PTPRD: variants seen among roughly 807,000 people sequenced by gnomAD.
The protein encoded by PTPRD is receptor-type tyrosine-protein phosphatase delta.
Under a neutral mutation model 214.5 loss-of-function variants are expected in PTPRD, and 34 were observed. The observed-to-expected ratio is 0.16, with a 90% CI of 0.12 to 0.21. The LOEUF (loss-of-function observed/expected upper bound fraction) is 0.21, where lower values mean the gene tolerates loss of function less well. PTPRD is among the 10% of genes least tolerant of loss of function. PTPRD has a pLI of 1.00. For missense variants in PTPRD, 2,545 were observed against 2,398.7 expected (o/e 1.06, Z -1.27); for synonymous variants, 1,128 against 845.7 (o/e 1.33, Z -5.79).
At chr9:10,035,169 T>C (rs1026161087) in intron 3 of PTPRD, among the ~76,000 whole-genome samples, 8 of 152,152 alleles carry the variant, frequency 5.3e-5, no homozygotes, top group Non-Finnish European at 1.0e-4. Context: ...TAGTGTCTCA[T>C]TGTGACTTTA....
At chr9:9,104,320 C>CAAACATAT (rs1381641783) in intron 10 of PTPRD, among the ~76,000 whole-genome samples, 2 of 151,878 alleles carry the variant, frequency 1.3e-5, no homozygotes, top group African/African-American at 4.8e-5. Context: ...TTTTTTTCCC[C>CAAACATAT]AAACATATAA....
At chr9:10,589,318 C>T (rs1368105359) in intron 2 of PTPRD, among the ~76,000 whole-genome samples, 2 of 151,982 alleles carry the variant, frequency 1.3e-5, no homozygotes, top group Non-Finnish European at 2.9e-5. Flanking sequence ...ACAAACTGAA[C>T]TTGACCCAAT....
intron 11 of PTPRD, among the ~76,000 whole-genome samples, chr9:8,765,921 C>T (rs1459772649): frequency 6.6e-6 from 1 of 152,026 alleles, no homozygotes; most frequent in Non-Finnish European, 1.5e-5. Flanking sequence ...ATATTTTAAC[C>T]AAAATGATTT....
chr9:10,484,005 G>C (rs1013255469), intron 2 of PTPRD, among the ~76,000 whole-genome samples: 1 of 152,052 alleles, frequency 6.6e-6, no homozygotes, highest in Admixed American at 6.6e-5. Context: ...CAATTGCAAA[G>C]ATATGAAATC....
In PTPRD at chr9:10,549,235, A is replaced by C. The variant is rs564757589; in HGVS notation, c.-600+63163T>G. ...TAACTAATGTAAGTACTGCTTTTAA[A>C]AGTAGTTGAACATAATGCAATGTTG... On this transcript the variant is annotated intron_variant, in intron 2 of 45. Coordinates refer to ENST00000381196, the MANE Select transcript of PTPRD (RefSeq NM_002839.4). Among the ~76,000 whole-genome samples the C allele has an allele frequency of 1.6e-4, 25 of 152,298 alleles. 1 individual carries two copies. The South Asian group carries it at 5.2e-3, about 32-fold the overall frequency.
intron 10 of PTPRD, among the ~76,000 whole-genome samples, chr9:9,121,531 T>A (rs1401979310): frequency 6.6e-6 from 1 of 152,176 alleles, no homozygotes; most frequent in African/African-American, 2.4e-5. Context: ...ATGACCTGGA[T>A]GAGTTTAGAG....
chr9:10,131,143 A>G (rs2098875053), intron 3 of PTPRD, among the ~76,000 whole-genome samples: 2 of 152,246 alleles, frequency 1.3e-5, no homozygotes, highest in East Asian at 1.9e-4. Flanking sequence ...GAATAAAGAG[A>G]GTGAGGATGG....
intron 2 of PTPRD, among the ~76,000 whole-genome samples, chr9:10,454,149 G>C (rs1417618790): frequency 6.6e-6 from 1 of 151,524 alleles, no homozygotes; most frequent in Non-Finnish European, 1.5e-5. Context: ...GTAATCAACA[G>C]ATTATAGTTG....
intron 9 of PTPRD, among the ~76,000 whole-genome samples, chr9:9,283,353 T>C (rs1361767558): frequency 3.3e-5 from 5 of 151,540 alleles, no homozygotes; most frequent in Non-Finnish European, 1.5e-5. Context: ...AGTATATTCA[T>C]TGTATTACTG....
At chr9:10,208,360 A>C (rs1237291734) in intron 3 of PTPRD, among the ~76,000 whole-genome samples, 1 of 152,132 alleles carries the variant, frequency 6.6e-6, no homozygotes, top group Non-Finnish European at 1.5e-5. Flanking sequence ...TAAAAATACA[A>C]AAAATTAGCC....
intron 5 of PTPRD, among the ~76,000 whole-genome samples, chr9:9,832,658 A>G (rs1455177234): frequency 6.6e-6 from 1 of 152,014 alleles, no homozygotes; most frequent in Non-Finnish European, 1.5e-5. Flanking sequence ...CCTGGAAAGG[A>G]AGCTTTTAAA....
At chr9:10,468,349 A>G (rs1371299476) in intron 2 of PTPRD, among the ~76,000 whole-genome samples, 4 of 152,186 alleles carry the variant, frequency 2.6e-5, no homozygotes, top group Non-Finnish European at 5.9e-5. Context: ...TGTCCTTTGC[A>G]GAGACACAGA....
At chr9:10,282,297 G>C (rs1224030758) in intron 3 of PTPRD, among the ~76,000 whole-genome samples, 5 of 152,238 alleles carry the variant, frequency 3.3e-5, no homozygotes, top group African/African-American at 1.2e-4. Context: ...AACGGATATG[G>C]AAATGCTTTT....
intron 3 of PTPRD, among the ~76,000 whole-genome samples, chr9:10,049,862 G>T (rs1589732047): frequency 6.6e-6 from 1 of 152,140 alleles, no homozygotes; most frequent in African/African-American, 2.4e-5. Context: ...CCTGACAAGG[G>T]ACTTTGGTGT....
At chr9:8,767,744 A>G (rs1391326887) in intron 11 of PTPRD, among the ~76,000 whole-genome samples, 2 of 152,182 alleles carry the variant, frequency 1.3e-5, no homozygotes, top group African/African-American at 4.8e-5. Flanking sequence ...ACAATAATTA[A>G]GTCAGAATCT....
chr9:9,435,745 T>A (rs1041536102), intron 8 of PTPRD, among the ~76,000 whole-genome samples: 2 of 152,186 alleles, frequency 1.3e-5, no homozygotes, highest in Non-Finnish European at 2.9e-5. Flanking sequence ...TGGTTTTCAA[T>A]ACTTATTACA....
intron 11 of PTPRD, among the ~76,000 whole-genome samples, chr9:9,016,415 G>A (rs967977696): frequency 5.3e-5 from 8 of 152,038 alleles, no homozygotes; most frequent in Non-Finnish European, 7.4e-5. Context: ...AACCCTTTAT[G>A]AGAATCATCC....
intron 12 of PTPRD, among the ~76,000 whole-genome samples, chr9:8,693,991 C>A (rs757392830): frequency 1.1e-4 from 16 of 152,120 alleles, no homozygotes; most frequent in Admixed American, 3.9e-4. Context: ...TTTACAAAAG[C>A]ATTGGAAATC....
chr9:9,880,112 G>C (rs1245060605), intron 5 of PTPRD, among the ~76,000 whole-genome samples: 2 of 152,046 alleles, frequency 1.3e-5, no homozygotes, highest in African/African-American at 2.4e-5. Context: ...GTTCCCTGAT[G>C]GTGTTCTTGT....
Sources: allele counts gnomAD v4.1 joint callset (sites outside exome capture counted in the v4.1 genomes callset), GRCh38; gene constraint gnomAD v4.1.1; transcripts MANE v1.5; gene names NCBI Gene and HGNC (gene_info 2026-07-23, HGNC 2026-07-21).